The following TRHDE variants were observed in gnomAD, a reference collection of about 807,000 sequenced individuals.
TRHDE encodes the protein thyrotropin-releasing hormone-degrading ectoenzyme.
A neutral mutation model predicts 125.7 loss-of-function variants in TRHDE; 72 were observed. The ratio of observed to expected loss-of-function variants is 0.57; its 90% CI spans 0.47 to 0.70. The LOEUF (loss-of-function observed/expected upper bound fraction) is 0.70, where lower values mean the gene tolerates loss of function less well. TRHDE is among the 30% of genes least tolerant of loss of function. The pLI is 0.00. For missense variants in TRHDE, 1,110 were observed against 1,327.1 expected (o/e 0.84, Z 2.54); for synonymous variants, 509 against 509.1 (o/e 1.00, Z 0.00).
At chr12:72,540,429 T>A (rs1869087620) in intron 6 of TRHDE, among the ~76,000 whole-genome samples, 1 of 151,740 alleles carries the variant, frequency 6.6e-6, no homozygotes, top group African/African-American at 2.4e-5. Flanking sequence ...AAAGCATTCT[T>A]GTGTCATTAG....
intron 1 of TRHDE, chr12:72,274,846 A>C (rs926928415): frequency 1.1e-4 from 16 of 152,366 alleles, no homozygotes; most frequent in Admixed American, 3.3e-4. Flanking sequence ...TAGAGTATCC[A>C]CCATAAATGC....
intron 12 of TRHDE, among the ~76,000 whole-genome samples, chr12:72,586,291 G>A (rs1871435721): frequency 6.6e-6 from 1 of 152,214 alleles, no homozygotes; most frequent in Non-Finnish European, 1.5e-5. Context: ...GTGCAATGAA[G>A]TGAGTGGTTA....
intron 5 of TRHDE, among the ~76,000 whole-genome samples, chr12:72,483,962 A>G (rs764609618): frequency 1.2e-4 from 18 of 152,078 alleles, no homozygotes; most frequent in Non-Finnish European, 2.4e-4. Flanking sequence ...ATGGCTATTT[A>G]TTTTATAAAT....
chr12:72,616,072 T>C (rs1362035365), intron 12 of TRHDE, among the ~76,000 whole-genome samples: 46 of 152,248 alleles, frequency 3.0e-4, no homozygotes, highest in Non-Finnish European at 3.5e-4. Flanking sequence ...AGCATGGATT[T>C]TGGTGAGCAG....
At chr12:72,434,006 G>A (rs918169120) in intron 3 of TRHDE, among the ~76,000 whole-genome samples, 2 of 152,114 alleles carry the variant, frequency 1.3e-5, no homozygotes, top group African/African-American at 4.8e-5. Context: ...CTAAAATGGG[G>A]AGCTGAACTG....
intron 2 of TRHDE, among the ~76,000 whole-genome samples, chr12:72,349,404 CA>C (rs1416674369): frequency 6.6e-6 from 1 of 152,030 alleles, no homozygotes; most frequent in Non-Finnish European, 1.5e-5. Context: ...ATGCTGTTAT[CA>C]GAGGGACTTT....
At chr12:72,208,783 T>C (rs1877719954) in intron 2 of TRHDE, among the ~76,000 whole-genome samples, 1 of 152,240 alleles carries the variant, frequency 6.6e-6, no homozygotes, top group Non-Finnish European at 1.5e-5. Context: ...CTAGATTCTA[T>C]ATCCATGCCT....
intron 1 of TRHDE, among the ~76,000 whole-genome samples, chr12:72,285,762 G>A (rs1437519931): frequency 1.3e-5 from 2 of 151,982 alleles, no homozygotes; most frequent in Non-Finnish European, 2.9e-5. Flanking sequence ...CTCATAATCC[G>A]CCTACCTTGG....
rs568307444 is a variant in TRHDE at position 72,631,900 on chromosome 12, G to A, written c.2675+10149G>A. 1.5e-4 allele frequency among the ~76,000 whole-genome samples: 23 copies of A among 152,042 alleles called. No homozygotes were observed. In the South Asian group the frequency reaches 4.1e-3, roughly 27 times the overall value. ...AGGAATCAGCCTTGTTAATCTCAGT[G>A]TCCTTGACAGTTCATTAGAGATTAA... On this transcript the variant is annotated intron_variant, in intron 15 of 18. Coordinates refer to ENST00000261180, the MANE Select transcript of TRHDE (RefSeq NM_013381.3).
chr12:72,554,542 G>A (rs1869831424), intron 7 of TRHDE, among the ~76,000 whole-genome samples: 2 of 152,172 alleles, frequency 1.3e-5, no homozygotes, highest in African/African-American at 4.8e-5. Context: ...GGCTGAGAGA[G>A]CGAAGAGGTG....
intron 2 of TRHDE, among the ~76,000 whole-genome samples, chr12:72,296,723 A>G (rs1880314675): frequency 6.6e-6 from 1 of 152,164 alleles, no homozygotes; most frequent in Admixed American, 6.5e-5. Flanking sequence ...TCAGAAGTTT[A>G]TTAGAGTCGA....
At chr12:72,503,500 A>G (rs957349625) in intron 6 of TRHDE, among the ~76,000 whole-genome samples, 1 of 152,220 alleles carries the variant, frequency 6.6e-6, no homozygotes, top group Non-Finnish European at 1.5e-5. Context: ...AAACCAGTGC[A>G]GTAACATATG....
At position 72,159,612 on chromosome 12, in the gene TRHDE, T is replaced by C. The variant is rs191958404; in HGVS notation, n.279+53860T>C. On this transcript the variant is annotated intron_variant and non_coding_transcript_variant, in intron 2 of 4. Transcript: ENST00000548156. ...GATATCTAACTTTGGCAAAATACGT[T>C]TGAAAATGTTATATCTTCCAATTAT... is the stretch of plus-strand genomic sequence containing the variant. Among the ~76,000 whole-genome samples, 3 of 152,372 alleles carry C rather than the reference T, an allele frequency of 2.0e-5. No homozygotes were observed. In the East Asian group the frequency reaches 5.8e-4, roughly 29 times the overall value.
At chr12:72,225,969 C>G (rs892661094) in intron 2 of TRHDE, among the ~76,000 whole-genome samples, 1 of 152,176 alleles carries the variant, frequency 6.6e-6, no homozygotes, top group African/African-American at 2.4e-5. Flanking sequence ...TGTCATGACT[C>G]CGCAGATGAT....
intron 2 of TRHDE, among the ~76,000 whole-genome samples, chr12:72,222,065 G>T (rs1377301594): frequency 6.6e-6 from 1 of 152,088 alleles, no homozygotes; most frequent in African/African-American, 2.4e-5. Flanking sequence ...AAGGCTTCAG[G>T]AGCAAGTATT....
At position 72,227,938 on chromosome 12, in the gene TRHDE, A is replaced by G. The variant is rs144058271; in HGVS notation, n.279+122186A>G. 1.1e-3 allele frequency among the ~76,000 whole-genome samples: 166 copies of G among 152,314 alleles called. 1 individual carries two copies. In the East Asian group the frequency reaches 0.017, roughly 16 times the overall value. On this transcript the variant is annotated intron_variant and non_coding_transcript_variant, in intron 2 of 4. Coordinates refer to the TRHDE transcript ENST00000548156. ...ATGCTGATGCAAGATGTGGCCTCCC[A>G]TGGCCTTGGGCAGCTCTGCCCCTGT...
chr12:72,171,452 C>T (rs1325486735), intron 2 of TRHDE, among the ~76,000 whole-genome samples: 1 of 152,140 alleles, frequency 6.6e-6, no homozygotes, highest in African/African-American at 2.4e-5. Flanking sequence ...GGGACTTTTT[C>T]TAATTTACAT....
intron 15 of TRHDE, among the ~76,000 whole-genome samples, chr12:72,636,510 A>C (rs1394622036): frequency 2.9e-4 from 44 of 150,964 alleles, no homozygotes; most frequent in South Asian, 8.4e-4. Flanking sequence ...TCTCCTGCCT[A>C]ATTGCCCTGG....
chr12:72,092,627 A>G (rs1215079348), intron 1 of TRHDE, among the ~76,000 whole-genome samples: 1 of 152,208 alleles, frequency 6.6e-6, no homozygotes, highest in Non-Finnish European at 1.5e-5. Flanking sequence ...AAAAGTCCCA[A>G]GACTTAGACT....
Sources: gnomAD v4.1 joint callset for allele counts (sites outside exome capture counted in the v4.1 genomes callset) on GRCh38, gnomAD v4.1.1 for gene constraint, MANE v1.5 for transcripts, NCBI Gene and HGNC (gene_info 2026-07-23, HGNC 2026-07-21) for gene names.